ANTXR2: variants seen among roughly 807,000 people sequenced by gnomAD.
The protein encoded by ANTXR2 is anthrax toxin receptor 2.
ANTXR2 carries 44 observed loss-of-function variants against 73.7 expected under a neutral mutation model. That is an observed-to-expected ratio of 0.60 (90% CI 0.47 to 0.77). ANTXR2 has a LOEUF of 0.77. Among genes scored for constraint, ANTXR2 ranks in the 30% least tolerant of loss-of-function variants. ANTXR2 has a pLI of 0.00. For synonymous variants in ANTXR2, 217 were observed against 205.9 expected (o/e 1.05, Z -0.46); for missense variants, 604 against 592.5 (o/e 1.02, Z -0.20).
At chr4:79,981,926 A>C (rs1221870614) in intron 14 of ANTXR2, among the ~76,000 whole-genome samples, 1 of 152,196 alleles carries the variant, frequency 6.6e-6, no homozygotes, top group Non-Finnish European at 1.5e-5. Flanking sequence ...ATTGAGAGTT[A>C]AAAACTCTTG....
chr4:80,014,428 T>C (rs1731742680), intron 11 of ANTXR2, among the ~76,000 whole-genome samples: 1 of 151,774 alleles, frequency 6.6e-6, no homozygotes, highest in African/African-American at 2.4e-5. Flanking sequence ...TAGCTGGGTG[T>C]GGCGGCACAC....
chr4:80,009,492 C>T (rs1321187719), intron 11 of ANTXR2, among the ~76,000 whole-genome samples: 1 of 152,118 alleles, frequency 6.6e-6, no homozygotes, highest in African/African-American at 2.4e-5. Flanking sequence ...ATTGTGAGCT[C>T]TAGGAAGTCA....
intron 16 of ANTXR2, among the ~76,000 whole-genome samples, chr4:79,912,126 T>C (rs982877870): frequency 6.6e-6 from 1 of 152,070 alleles, no homozygotes; most frequent in African/African-American, 2.4e-5. Context: ...TTGCATGACA[T>C]AAAAATTTAG....
chr4:80,000,381 A>T (rs1477532646), intron 12 of ANTXR2, among the ~76,000 whole-genome samples: 1 of 152,042 alleles, frequency 6.6e-6, no homozygotes, highest in Non-Finnish European at 1.5e-5. Context: ...ACTAGCAAAA[A>T]GGTACTCTAT....
intron 13 of ANTXR2, 123 bp downstream of exon 13, chr4:79,984,696 A>T: frequency 1.2e-6 from 1 of 838,998 alleles, no homozygotes; most frequent in Non-Finnish European, 2.0e-6. Context: ...TGATTTGTAT[A>T]AATTAAAAAG....
At chr4:79,963,709 C>A (rs867573342) in intron 16 of ANTXR2, among the ~76,000 whole-genome samples, 7 of 152,076 alleles carry the variant, frequency 4.6e-5, no homozygotes, top group African/African-American at 1.7e-4. Flanking sequence ...TCTTTATTAT[C>A]TTACCATTCC....
At chr4:80,006,841 A>C (rs986899851) in intron 12 of ANTXR2, among the ~76,000 whole-genome samples, 1 of 152,166 alleles carries the variant, frequency 6.6e-6, no homozygotes, top group Non-Finnish European at 1.5e-5. Flanking sequence ...ATGAAATTGC[A>C]AAGTGATAAT....
chr4:80,019,207 A>G (rs1017053124), intron 10 of ANTXR2, among the ~76,000 whole-genome samples: 2 of 152,048 alleles, frequency 1.3e-5, no homozygotes, highest in African/African-American at 4.8e-5. Flanking sequence ...TCTCTAGTGA[A>G]AATACAAAAA....
intron 16 of ANTXR2, among the ~76,000 whole-genome samples, chr4:79,911,651 C>T (rs1727144005): frequency 6.6e-6 from 1 of 151,770 alleles, no homozygotes; most frequent in African/African-American, 2.4e-5. Context: ...AATATTATGC[C>T]TGTATTTCAC....
chr4:79,945,224 T>G (rs1728474281), intron 16 of ANTXR2, among the ~76,000 whole-genome samples: 2 of 152,188 alleles, frequency 1.3e-5, no homozygotes, highest in Admixed American at 1.3e-4. Context: ...AAGCAATATG[T>G]ACAAAAATCT....
chr4:79,926,047 T>A (rs912830931), intron 16 of ANTXR2, among the ~76,000 whole-genome samples: 2 of 152,114 alleles, frequency 1.3e-5, no homozygotes, highest in Non-Finnish European at 2.9e-5. Flanking sequence ...TACCTTGGAA[T>A]GATTGTACAT....
intron 16 of ANTXR2, among the ~76,000 whole-genome samples, chr4:79,961,736 G>C (rs566055569): frequency 1.3e-5 from 2 of 152,250 alleles, no homozygotes; most frequent in African/African-American, 4.8e-5. Flanking sequence ...CCCACACTCA[G>C]CCAAAAGTAT....
intron 10 of ANTXR2, among the ~76,000 whole-genome samples, chr4:80,020,714 T>C (rs1405878563): frequency 6.6e-6 from 1 of 152,194 alleles, no homozygotes; most frequent in Non-Finnish European, 1.5e-5. Flanking sequence ...GTGTTTTTTT[T>C]CTCAATGTGC....
chr4:80,038,799 T>A, intron 7 of ANTXR2, among the ~76,000 whole-genome samples: 1 of 152,156 alleles, frequency 6.6e-6, no homozygotes, highest in South Asian at 2.1e-4. Flanking sequence ...TCTAATGTTA[T>A]CTAATTGAAT....
At chr4:79,920,690 T>C (rs1727559953) in intron 16 of ANTXR2, among the ~76,000 whole-genome samples, 1 of 152,084 alleles carries the variant, frequency 6.6e-6, no homozygotes, top group Admixed American at 6.6e-5. Flanking sequence ...GAAGATGTGG[T>C]CAAACAGAAG....
intron 12 of ANTXR2, among the ~76,000 whole-genome samples, chr4:79,991,394 A>C (rs1730462838): frequency 1.3e-5 from 2 of 152,192 alleles, no homozygotes; most frequent in African/African-American, 2.4e-5. Context: ...TCAAAACCAC[A>C]ACAAGATACC....
chr4:79,985,165 G>A (rs1244612053), intron 12 of ANTXR2, among the ~76,000 whole-genome samples: 51 of 151,958 alleles, frequency 3.4e-4, no homozygotes, highest in Non-Finnish European at 1.2e-4. Flanking sequence ...TGGCTAACAC[G>A]GTGAAACCCC....
chr4:79,957,262 T>C (rs1728924721), intron 16 of ANTXR2, among the ~76,000 whole-genome samples: 1 of 152,124 alleles, frequency 6.6e-6, no homozygotes. Context: ...CCACAGACTA[T>C]AAATAAAATC....
chr4:79,921,782 A>G (rs2109945424), intron 16 of ANTXR2, among the ~76,000 whole-genome samples: 1 of 152,100 alleles, frequency 6.6e-6, no homozygotes, highest in African/African-American at 2.4e-5. Context: ...GTTTTTCACC[A>G]CAGCAAGTGT....
Sources: allele counts gnomAD v4.1 joint callset (sites outside exome capture counted in the v4.1 genomes callset), GRCh38; gene constraint gnomAD v4.1.1; transcripts MANE v1.5; gene names NCBI Gene and HGNC (gene_info 2026-07-23, HGNC 2026-07-21).